The following VDR variants were observed in gnomAD, a reference collection of about 807,000 sequenced individuals.
VDR encodes vitamin D receptor.
Under a neutral mutation model 39.7 loss-of-function variants are expected in VDR, and 19 were observed. That is an observed-to-expected ratio of 0.48 (90% CI 0.33 to 0.70). VDR has a LOEUF of 0.70. VDR is among the 30% of genes least tolerant of loss of function. The pLI, the probability that VDR is intolerant of heterozygous loss-of-function variation, is 0.02. For synonymous variants in VDR, 242 were observed against 215.8 expected, an observed-to-expected ratio of 1.12 and a Z score of -1.07; for missense variants, 442 against 570.5, an observed-to-expected ratio of 0.77 and a Z score of 2.29.
chr12:47,843,057 T>C lies in VDR; in HGVS notation c.*1689A>G, dbSNP rs1945202736. On this transcript the variant is annotated 3_prime_UTR_variant, in exon 10 of 10. Transcript: ENST00000549336. Reference sequence around the variant, plus strand: ...CAGTGGTACCTGCTACCCTGTATATTAGACTATAATACAAATGGAGTCTGA... The same window carrying C: ...CAGTGGTACCTGCTACCCTGTATATCAGACTATAATACAAATGGAGTCTGA... 6.6e-6 allele frequency: 1 copy of C among 152,222 alleles called. No homozygotes were observed. Among genetic ancestry groups the C allele is most frequent in the Non-Finnish European group, 1.5e-5 (1 of 68,044 alleles). The allele number at this position is 152,222 out of a possible 1,614,324, so 9.4% of individuals were successfully genotyped here.
chr12:47,893,599 C>A (rs1946411085), intron 1 of VDR, among the ~76,000 whole-genome samples: 1 of 152,164 alleles, frequency 6.6e-6, no homozygotes, highest in African/African-American at 2.4e-5. Flanking sequence ...TCAGTCTGTC[C>A]AGGGTGGTCA....
intron 1 of VDR, chr12:47,904,672 T>G (rs900232354): frequency 1.6e-5 from 24 of 1,527,174 alleles, no homozygotes; most frequent in Non-Finnish European, 1.9e-5. Flanking sequence ...ATACTTCTTG[T>G]TGCCCAAGTG....
chr12:47,852,401 A>G (rs1945404543), intron 7 of VDR, among the ~76,000 whole-genome samples: 1 of 152,180 alleles, frequency 6.6e-6, no homozygotes, highest in South Asian at 2.1e-4. Flanking sequence ...AGCGTGGAGG[A>G]GGGAGTTGGA....
At chr12:47,883,000 G>A (rs1946188489) in intron 1 of VDR, 2 of 503,964 alleles carry the variant, frequency 4.0e-6, no homozygotes, top group Non-Finnish European at 7.0e-6. Flanking sequence ...GAGGCAGGGA[G>A]TAGCAGGAGC....
Position 47,855,731 on chromosome 12 carries a change from G to A in VDR, c.654C>T (p.Thr218=). ...SEEDSDDPSV[T]LELSQLSMLP... ...GCATGGAGAGCTGGGACAGCTCTAG[G>A]GTCACAGAAGGGTCATCTGAATCTT... is the stretch of plus-strand genomic sequence containing the variant. Residue 218 remains threonine (T), a synonymous_variant, in exon 7 of 10, where the codon ACC becomes ACT. Coordinates refer to ENST00000549336, the MANE Select transcript of VDR (RefSeq NM_000376.3). The A allele has an allele frequency of 6.2e-7, 1 of 1,614,184 alleles. No homozygotes were observed. The highest frequency in any genetic ancestry group is 1.1e-5 in the South Asian group (1 of 91,082).
chr12:47,878,882 T>C (rs1407085459), intron 3 of VDR, 86 bp downstream of exon 3: 1 of 1,605,178 alleles, frequency 6.2e-7, no homozygotes, highest in Non-Finnish European at 8.5e-7. Context: ...GAAGGAGATG[T>C]GAAAAATGCA....
intron 3 of VDR, among the ~76,000 whole-genome samples, chr12:47,868,382 G>T (rs1448239601): frequency 2.0e-5 from 3 of 152,242 alleles, no homozygotes; most frequent in African/African-American, 7.2e-5. Context: ...GGGCTCCTTA[G>T]CTCCAAGTCT....
chr12:47,894,198 G>C, intron 1 of VDR, among the ~76,000 whole-genome samples: 1 of 152,188 alleles, frequency 6.6e-6, no homozygotes, highest in East Asian at 1.9e-4. Flanking sequence ...CTAAACTCAG[G>C]GTCCCTAGAG....
intron 1 of VDR, among the ~76,000 whole-genome samples, chr12:47,902,237 C>G (rs190995693): frequency 1.3e-5 from 2 of 152,236 alleles, no homozygotes; most frequent in Non-Finnish European, 2.9e-5. Flanking sequence ...ATACATTACA[C>G]AGGCACTCTT....
At chr12:47,875,618 G>A (rs969518976) in intron 3 of VDR, among the ~76,000 whole-genome samples, 2 of 152,214 alleles carry the variant, frequency 1.3e-5, no homozygotes, top group African/African-American at 2.4e-5. Flanking sequence ...AGGGGTGGAA[G>A]AAGAGGAGAA....
chr12:47,857,073 C>T (rs2137145491), intron 6 of VDR, 56 bp downstream of exon 6: 5 of 1,610,758 alleles, frequency 3.1e-6, no homozygotes, highest in South Asian at 1.1e-5. Flanking sequence ...AGGGCAGGTG[C>T]GGTGGACTCC....
In VDR at chr12:47,859,918, T is replaced by TTCC. The variant is rs1565615386; in HGVS notation, c.278-2231_278-2230insGGA. 8.6e-3 allele frequency among the ~76,000 whole-genome samples: 341 copies of TTCC among 39,778 alleles called. 15 individuals carry two copies. The highest frequency in any genetic ancestry group is 0.019 in the African/African-American group (166 of 8,552). The allele number at this position is 39,778 out of a possible 152,430, so 26.1% of individuals were successfully genotyped here. A position where few individuals can be genotyped will look rare whatever the true frequency, so the allele number is the denominator to read the frequency against. On this transcript the variant is annotated intron_variant, in intron 4 of 9. Transcript: ENST00000549336. Reference sequence around the variant, plus strand: ...CCTTCCTTCCTTCCTTCCTTCCTTCTTTCTTTTTCTTTCTTTCTTTCTTTC... The same window carrying TTCC: ...CCTTCCTTCCTTCCTTCCTTCCTTCTTCCTTCTTTTTCTTTCTTTCTTTCTTTC...
intron 7 of VDR, among the ~76,000 whole-genome samples, chr12:47,851,979 A>C (rs974826623): frequency 7.2e-5 from 11 of 152,190 alleles, no homozygotes; most frequent in Admixed American, 2.0e-4. Flanking sequence ...GCAGACTTCA[A>C]CTTAACCTCG....
intron 3 of VDR, among the ~76,000 whole-genome samples, chr12:47,878,327 C>T (rs1201743400): frequency 2.6e-5 from 4 of 152,180 alleles, no homozygotes. Flanking sequence ...ACCTCCAGTG[C>T]TTTTCCCACA....
chr12:47,845,907 A>G (rs1486528167), intron 9 of VDR, among the ~76,000 whole-genome samples: 1 of 152,208 alleles, frequency 6.6e-6, no homozygotes, highest in Non-Finnish European at 1.5e-5. Flanking sequence ...GTCACTGCAC[A>G]TTGCCTCCAA....
intron 6 of VDR, among the ~76,000 whole-genome samples, chr12:47,856,843 G>C (rs139653020): frequency 1.3e-5 from 2 of 152,180 alleles, no homozygotes; most frequent in Admixed American, 6.5e-5. Context: ...CTCCACGGAG[G>C]GGGCCATGGG....
At chr12:47,862,563 A>C (rs1161972174) in intron 4 of VDR, among the ~76,000 whole-genome samples, 1 of 152,258 alleles carries the variant, frequency 6.6e-6, no homozygotes, top group South Asian at 2.1e-4. Flanking sequence ...TCTGACACAC[A>C]GTAGTTGGTC....
At chr12:47,855,526 T>TA in intron 7 of VDR, 104 bp downstream of exon 7, 1 of 1,401,330 alleles carries the variant, frequency 7.1e-7, no homozygotes, top group Non-Finnish European at 9.8e-7. Flanking sequence ...TTTAAAAAAA[T>TA]AAAAAATAAA....
chr12:47,883,216 A>G (rs1221100376), intron 1 of VDR, among the ~76,000 whole-genome samples: 1 of 152,064 alleles, frequency 6.6e-6, no homozygotes, highest in Non-Finnish European at 1.5e-5. Flanking sequence ...TGCTGCTAAG[A>G]GCGGGAAGAC....
Sources: gnomAD v4.1 joint callset for allele counts (sites outside exome capture counted in the v4.1 genomes callset) on GRCh38, gnomAD v4.1.1 for gene constraint, MANE v1.5 for transcripts, NCBI Gene and HGNC (gene_info 2026-07-23, HGNC 2026-07-21) for gene names.